DPY19L3: variants seen among roughly 807,000 people sequenced by gnomAD.
DPY19L3 encodes protein C-mannosyl-transferase DPY19L3.
In DPY19L3, 51 loss-of-function variants were observed where a neutral mutation model predicts 92.3. That is an observed-to-expected ratio of 0.55 (90% CI 0.44 to 0.70). The LOEUF (loss-of-function observed/expected upper bound fraction) is 0.70, where lower values mean the gene tolerates loss of function less well. Among genes scored for constraint, DPY19L3 ranks in the 30% least tolerant of loss-of-function variants. DPY19L3 has a pLI of 0.00. For missense variants in DPY19L3, 706 were observed against 855.9 expected (o/e 0.82, Z 2.18); for synonymous variants, 309 against 315.2 (o/e 0.98, Z 0.21).
chr19:32,468,794 G>A lies in DPY19L3; in HGVS notation c.1678G>A (p.Glu560Lys). The change falls in exon 16 of 19, where the codon GAG becomes AAG. Residue 560 changes from glutamate to lysine, a missense_variant. Transcript: ENST00000392250. Reference sequence around the variant, plus strand: ...AGAATTCTATGATCCAGATACAGTGGAGCTGATGAACTGGATTAAGTAAGA... The same window carrying A: ...AGAATTCTATGATCCAGATACAGTGAAGCTGATGAACTGGATTAAGTAAGA... The part of the protein sequence containing the change: ...LREFYDPDTV[E>K]LMNWINSNTP... The A allele has an allele frequency of 6.2e-7, 1 of 1,613,690 alleles. No homozygotes were observed. The highest frequency in any genetic ancestry group is 1.7e-5 in the Admixed American group (1 of 59,986).
intron 16 of DPY19L3, among the ~76,000 whole-genome samples, chr19:32,475,826 G>A (rs992879896): frequency 6.6e-6 from 1 of 152,212 alleles, no homozygotes; most frequent in Non-Finnish European, 1.5e-5. Flanking sequence ...ATTTGTTCTT[G>A]TTCCTGGGTC....
chr19:32,458,562 T>G (rs1969942323), intron 12 of DPY19L3, 53 bp downstream of exon 12: 2 of 1,550,772 alleles, frequency 1.3e-6, no homozygotes, highest in Non-Finnish European at 1.7e-6. Flanking sequence ...TTGTTCCATG[T>G]TGCAGAAAAA....
chr19:32,485,393 G>A lies in DPY19L3; in HGVS notation c.*3153G>A, dbSNP rs1379178843. ...CCCTTGTGAGATCAGCGTGACAGGA[G>A]TGTGTGTGTGTGTGTGTGTTTCTGT... On this transcript the variant is annotated 3_prime_UTR_variant, in exon 19 of 19. Transcript: ENST00000392250. 2 of 133,754 alleles carry A rather than the reference G, an allele frequency of 1.5e-5. No individual in the cohort carries two copies. Among genetic ancestry groups the A allele is most frequent in the African/African-American group, 7.0e-5 (2 of 28,766 alleles). 8.3% of individuals were successfully genotyped at this position (133,754 alleles called of 1,614,324 possible).
In DPY19L3 at chr19:32,463,964, T is replaced by C. The variant is rs774036827; in HGVS notation, c.1541T>C (p.Leu514Pro). 5 of 1,612,328 alleles carry C rather than the reference T, an allele frequency of 3.1e-6. No individual in the cohort carries two copies. The South Asian group carries it at 5.5e-5, about 18-fold the overall frequency. ...IWELLLKSVH[L>P]YNPKRICIMR... ...GAGTTACTTCTGAAGTCAGTCCATC[T>C]TTATAACCCAAAGAGGGTCAGTGTC... Residue 514 changes from leucine (L) to proline (P), a missense_variant, in exon 14 of 19, where the codon CTT (leucine) becomes CCT (proline). Leu to Pro is a moderately conservative substitution (Grantham distance 98, BLOSUM62 -3). Coordinates refer to ENST00000392250, the MANE Select transcript of DPY19L3 (RefSeq NM_001172774.2).
chr19:32,452,077 C>A lies in DPY19L3; in HGVS notation c.856-1068C>A, dbSNP rs140435526. Among the ~76,000 whole-genome samples the A allele has an allele frequency of 1.8e-4, 27 of 152,312 alleles. 1 individual carries two copies. The highest frequency in any genetic ancestry group is 6.0e-4 in the African/African-American group (25 of 41,576). ...CTGGGCTCAAGCAATCCTTCTGTCTCAGCTTCCCAAGATGTTGGGATTACA... is the reference window on the plus strand; with the variant it reads ...CTGGGCTCAAGCAATCCTTCTGTCTAAGCTTCCCAAGATGTTGGGATTACA... On this transcript the variant is annotated intron_variant, in intron 8 of 18. Coordinates refer to ENST00000392250, the MANE Select transcript of DPY19L3 (RefSeq NM_001172774.2).
intron 8 of DPY19L3, among the ~76,000 whole-genome samples, chr19:32,443,507 C>T (rs756578198): frequency 1.3e-5 from 2 of 152,144 alleles, no homozygotes; most frequent in Non-Finnish European, 2.9e-5. Flanking sequence ...GTGAGGAGGA[C>T]ACAGCAAGAA....
intron 10 of DPY19L3, 31 bp downstream of exon 10, chr19:32,455,071 AT>A (rs773272631): frequency 6.0e-6 from 8 of 1,328,668 alleles, no homozygotes; most frequent in Non-Finnish European, 8.3e-6. Flanking sequence ...TGTTTAATGT[AT>A]TTTTAATTAA....
intron 15 of DPY19L3, among the ~76,000 whole-genome samples, chr19:32,465,842 T>C (rs1429496487): frequency 6.6e-6 from 1 of 152,228 alleles, no homozygotes; most frequent in East Asian, 1.9e-4. Context: ...AATAGATTTA[T>C]GCCTCCCCAC....
chr19:32,469,012 T>C, intron 16 of DPY19L3, 199 bp downstream of exon 16: 1 of 397,658 alleles, frequency 2.5e-6, no homozygotes, highest in Non-Finnish European at 4.2e-6. Flanking sequence ...CAGCTATATC[T>C]CATGAAGAAA....
Position 32,482,554 on chromosome 19 carries a change from A to G in DPY19L3, c.*314A>G, listed in dbSNP as rs1287583141. On this transcript the variant is annotated 3_prime_UTR_variant, in exon 19 of 19. Transcript: ENST00000392250. ...ATGGATACCTGGATAGGCACATAAC[A>G]TGTTGGAAGATGAGCACCTGCTCAG... 2 of 215,730 alleles carry G rather than the reference A, an allele frequency of 9.3e-6. No individual in the cohort carries two copies. The highest frequency in any genetic ancestry group is 1.8e-5 in the Non-Finnish European group (2 of 109,806). The allele number at this position is 215,730 out of a possible 1,614,324, so 13.4% of individuals were successfully genotyped here.
rs1970754539 is a variant in DPY19L3, at chr19:32,484,673, G to T, written c.*2433G>T. 1 of 152,138 alleles carries T rather than the reference G, an allele frequency of 6.6e-6. No homozygotes were observed. Among genetic ancestry groups the T allele is most frequent in the African/African-American group, 2.4e-5 (1 of 41,430 alleles). 9.4% of individuals were successfully genotyped at this position (152,138 alleles called of 1,614,324 possible). A position where few individuals can be genotyped will look rare whatever the true frequency, so the allele number is the denominator to read the frequency against. ...ACAGCACAGCTGGAGGCTGTTCTCT[G>T]GTGTTCTCAGCGCTCCGGCTCCCTC... On this transcript the variant is annotated 3_prime_UTR_variant, in exon 19 of 19. Transcript: ENST00000392250.
intron 4 of DPY19L3, among the ~76,000 whole-genome samples, chr19:32,433,139 G>A (rs1006455734): frequency 6.6e-6 from 1 of 152,078 alleles, no homozygotes; most frequent in African/African-American, 2.4e-5. Flanking sequence ...AGGCATTTTG[G>A]TAACACAAAT....
At chr19:32,480,997 C>G in intron 18 of DPY19L3, 1 of 392,904 alleles carries the variant, frequency 2.5e-6, no homozygotes, top group East Asian at 3.7e-5. Flanking sequence ...CCCCTCCTGC[C>G]CTCTCCTACT....
At chr19:32,468,429 A>G (rs1301963517) in intron 15 of DPY19L3, 1 of 1,046,196 alleles carries the variant, frequency 9.6e-7, no homozygotes. Context: ...ATGTTTTGCC[A>G]GGTATTATCA....
chr19:32,417,070 A>C (rs533651115), intron 3 of DPY19L3, among the ~76,000 whole-genome samples: 3 of 152,338 alleles, frequency 2.0e-5, no homozygotes, highest in African/African-American at 7.2e-5. Flanking sequence ...CACTCTCATC[A>C]CTTAGAAGTT....
chr19:32,439,708 G>A (rs1969263216), intron 7 of DPY19L3, 68 bp from the exon 8 acceptor site: 1 of 1,544,382 alleles, frequency 6.5e-7, no homozygotes, highest in African/African-American at 1.4e-5. Context: ...CTGCTCTTGA[G>A]AAAACTTGTC....
At chr19:32,472,054 C>T (rs1970374116) in intron 16 of DPY19L3, among the ~76,000 whole-genome samples, 2 of 152,324 alleles carry the variant, frequency 1.3e-5, no homozygotes, top group South Asian at 4.1e-4. Flanking sequence ...TGGGCCTCGC[C>T]TCAGCACAAT....
chr19:32,413,031 T>C (rs1030861205), intron 3 of DPY19L3: 5 of 152,218 alleles, frequency 3.3e-5, no homozygotes, highest in Admixed American at 2.6e-4. Flanking sequence ...AGAACTCCTC[T>C]TGGCATTGTT....
intron 8 of DPY19L3, among the ~76,000 whole-genome samples, chr19:32,447,779 T>TA: frequency 7.4e-6 from 1 of 135,592 alleles, no homozygotes. Context: ...ATAGATAGAT[T>TA]AGATAAGATA....
Sources: gnomAD v4.1 joint callset for allele counts (sites outside exome capture counted in the v4.1 genomes callset) on GRCh38, gnomAD v4.1.1 for gene constraint, MANE v1.5 for transcripts, NCBI Gene and HGNC (gene_info 2026-07-23, HGNC 2026-07-21) for gene names.